The following TSPAN19 variants were observed in gnomAD, a reference collection of about 807,000 sequenced individuals.
TSPAN19 encodes tetraspanin-19.
TSPAN19 carries 44 observed loss-of-function variants against 35.1 expected under a neutral mutation model. The observed-to-expected ratio is 1.25, with a 90% CI of 0.98 to 1.61. TSPAN19 has a LOEUF of 1.61. Among genes scored for constraint, TSPAN19 ranks in the 40% most tolerant of loss-of-function variants. The probability of loss-of-function intolerance (pLI) is 0.00; values close to 1 mark genes in which losing one functional copy is unlikely to be tolerated. For synonymous variants in TSPAN19, 79 were observed against 92.0 expected, an observed-to-expected ratio of 0.86 and a Z score of 0.81; for missense variants, 290 against 280.0, an observed-to-expected ratio of 1.04 and a Z score of -0.26.
Position 85,017,480 on chromosome 12 carries a change from C to A in TSPAN19, c.570G>T (p.Glu190Asp). 1 of 1,608,824 alleles carries A rather than the reference C, an allele frequency of 6.2e-7. No homozygotes were observed. Among genetic ancestry groups the A allele is most frequent in the Non-Finnish European group, 8.5e-7 (1 of 1,177,234 alleles). Residue 190 changes from glutamate to aspartate, a missense_variant, in exon 7 of 9, where the codon GAG (glutamate) becomes GAT (aspartate). Transcript: ENST00000532498. Reference protein sequence around the residue: ...KSTLRKWFCDEPLNATYLEGC... With the variant: ...KSTLRKWFCDDPLNATYLEGC... ...CCTCAAGGTAAGTTGCATTCAGTGG[C>A]TCATCACAAAACCATTTTCTTAAAG...
intron 7 of TSPAN19, 195 bp downstream of exon 7, chr12:85,017,261 C>T: frequency 1.9e-6 from 1 of 520,616 alleles, no homozygotes; most frequent in Non-Finnish European, 3.3e-6. Flanking sequence ...AATTTATTTA[C>T]TTTACGTATT....
Position 85,023,359 on chromosome 12 carries a change from T to C in TSPAN19, c.306A>G (p.Val102=), listed in dbSNP as rs1323226091. 2 of 1,589,360 alleles carry C rather than the reference T, an allele frequency of 1.3e-6. No individual in the cohort carries two copies. Among genetic ancestry groups the C allele is most frequent in the South Asian group, 2.3e-5 (2 of 86,810 alleles). The change falls in exon 5 of 9, where the codon GTA becomes GTG. Residue 102 remains valine, a synonymous_variant. Transcript: ENST00000532498. ...LITWTFAVQV[V]LSAFIITKKE... ...TCTTTGTGATGATGAATGCTGAAAG[T>C]ACAACCTGAACAGCAAAGGTCCATG...
chr12:85,025,223 C>T (rs1166606194), intron 4 of TSPAN19, among the ~76,000 whole-genome samples: 2 of 151,634 alleles, frequency 1.3e-5, no homozygotes, highest in African/African-American at 4.8e-5. Flanking sequence ...GCAACCTTCG[C>T]CTCCCAGGTT....
At chr12:85,026,196 A>C (rs1048916593) in intron 4 of TSPAN19, among the ~76,000 whole-genome samples, 1 of 152,242 alleles carries the variant, frequency 6.6e-6, no homozygotes, top group African/African-American at 2.4e-5. Context: ...ACATTGTATA[A>C]GTAGTAGACT....
intron 3 of TSPAN19, 34 bp downstream of exon 3, chr12:85,029,685 T>C: frequency 6.8e-7 from 1 of 1,459,958 alleles, no homozygotes; most frequent in Non-Finnish European, 9.2e-7. Context: ...TGAATGTCTA[T>C]TTCACTGAGA....
At chr12:85,023,568 A>T (rs1230113563) in intron 4 of TSPAN19, among the ~76,000 whole-genome samples, 168 bp from the exon 5 acceptor site, 1 of 152,212 alleles carries the variant, frequency 6.6e-6, no homozygotes, top group African/African-American at 2.4e-5. Context: ...TGAAATAGCA[A>T]GGCAAAGTAA....
At position 85,017,551 on chromosome 12, in the gene TSPAN19, T is replaced by C. The variant is rs1213570010; in HGVS notation, c.499A>G (p.Asn167Asp). Reference protein sequence around the residue: ...HNYTDWIKNKNKENSGQVPCS... With the variant: ...HNYTDWIKNKDKENSGQVPCS... ...GGCACCTGTCCTGAATTTTCTTTGT[T>C]CTTATTCTTTATCCAGTCTGTGTAA... The change falls in exon 7 of 9, where the codon AAC becomes GAC. Residue 167 changes from asparagine to aspartate, a missense_variant. Transcript: ENST00000532498. 9 of 1,595,786 alleles carry C rather than the reference T, an allele frequency of 5.6e-6. No individual in the cohort carries two copies. The highest frequency in any genetic ancestry group is 7.7e-6 in the Non-Finnish European group (9 of 1,169,778).
At chr12:85,024,149 A>C (rs1189585831) in intron 4 of TSPAN19, among the ~76,000 whole-genome samples, 1 of 152,194 alleles carries the variant, frequency 6.6e-6, no homozygotes, top group South Asian at 2.1e-4. Flanking sequence ...ACTTAGAAAC[A>C]GAGTTTATTG....
chr12:85,021,098 C>T (rs985319425), intron 5 of TSPAN19, among the ~76,000 whole-genome samples: 11 of 151,924 alleles, frequency 7.2e-5, no homozygotes, highest in African/African-American at 2.2e-4. Flanking sequence ...TTTTTTATAA[C>T]AAATTACTAA....
In TSPAN19 at chr12:85,015,562, A is replaced by G. The variant is rs918381234; in HGVS notation, c.678+326T>C. ...CATATACACACACACACACACACAC[A>G]CACACACACACACACACACACACGT... On this transcript the variant is annotated intron_variant, in intron 8 of 8. Coordinates refer to ENST00000532498, the MANE Select transcript of TSPAN19 (RefSeq NM_001100917.2). The G allele has an allele frequency of 2.6e-3, 451 of 172,322 alleles. 2 individuals carry two copies. The highest frequency in any genetic ancestry group is 3.5e-3 in the Non-Finnish European group (283 of 81,922). 10.7% of individuals were successfully genotyped at this position (172,322 alleles called of 1,614,324 possible). A position where few individuals can be genotyped will look rare whatever the true frequency, so the allele number is the denominator to read the frequency against.
At chr12:85,020,923 C>G (rs931847065) in intron 5 of TSPAN19, among the ~76,000 whole-genome samples, 2 of 151,794 alleles carry the variant, frequency 1.3e-5, no homozygotes, top group African/African-American at 4.8e-5. Flanking sequence ...GGGATCTCAG[C>G]CAAGAGCCTT....
intron 8 of TSPAN19, 192 bp from the exon 9 acceptor site, chr12:85,014,747 C>A (rs1876696877): frequency 4.4e-6 from 2 of 456,848 alleles, no homozygotes; most frequent in South Asian, 3.8e-5. Context: ...AAGAATAACC[C>A]ACCTGTTACC....
intron 5 of TSPAN19, 131 bp downstream of exon 5, chr12:85,023,195 A>G: frequency 1.3e-6 from 1 of 755,182 alleles, no homozygotes; most frequent in Non-Finnish European, 2.1e-6. Context: ...CTTTTGTTAA[A>G]TATTATTTTC....
intron 6 of TSPAN19, among the ~76,000 whole-genome samples, chr12:85,019,270 G>A (rs1876986188): frequency 6.6e-6 from 1 of 151,800 alleles, no homozygotes; most frequent in Non-Finnish European, 1.5e-5. Flanking sequence ...CAGCAATCCT[G>A]GTATTCAGAC....
chr12:85,035,655 T>A (rs2135828797), intron 1 of TSPAN19, among the ~76,000 whole-genome samples: 1 of 144,358 alleles, frequency 6.9e-6, no homozygotes, highest in East Asian at 2.0e-4. Context: ...TTTGCAAACT[T>A]TAAAAGAAAA....
chr12:85,025,896 G>A (rs1771722433), intron 4 of TSPAN19, among the ~76,000 whole-genome samples: 1 of 152,182 alleles, frequency 6.6e-6, no homozygotes, highest in South Asian at 2.1e-4. Context: ...TTGGTTCAGA[G>A]AAAGATATAT....
At chr12:85,020,509 G>A (rs975919840) in intron 5 of TSPAN19, among the ~76,000 whole-genome samples, 7 of 151,928 alleles carry the variant, frequency 4.6e-5, no homozygotes, top group African/African-American at 1.7e-4. Flanking sequence ...CCAAAATATA[G>A]CACCTTGGTA....
chr12:85,033,705 G>C (rs1877787629), intron 1 of TSPAN19, among the ~76,000 whole-genome samples: 1 of 152,036 alleles, frequency 6.6e-6, no homozygotes, highest in East Asian at 1.9e-4. Context: ...ACTTGCCAAA[G>C]GTCACTTAGT....
intron 4 of TSPAN19, 40 bp from the exon 5 acceptor site, chr12:85,023,440 AAT>A (rs1423537411): frequency 6.8e-7 from 1 of 1,461,418 alleles, no homozygotes; most frequent in Non-Finnish European, 9.4e-7. Context: ...CTATGCTACT[AAT>A]ATATGTTTTG....
Sources: allele counts gnomAD v4.1 joint callset (sites outside exome capture counted in the v4.1 genomes callset), GRCh38; gene constraint gnomAD v4.1.1; transcripts MANE v1.5; gene names NCBI Gene and HGNC (gene_info 2026-07-23, HGNC 2026-07-21).